The following VTI1A variants were observed in gnomAD, a reference collection of about 807,000 sequenced individuals.
The protein encoded by VTI1A is vesicle transport through interaction with t-SNAREs 1A, also known as vesicle transport through interaction with t-SNAREs homolog 1A.
In VTI1A, 22 loss-of-function variants were observed where a neutral mutation model predicts 34.9. The observed-to-expected ratio is 0.63, with a 90% confidence interval of 0.45 to 0.90. VTI1A has a LOEUF of 0.90. VTI1A is among the 40% of genes least tolerant of loss of function. The pLI is 0.00. For synonymous variants in VTI1A, 87 were observed against 97.3 expected, an observed-to-expected ratio of 0.89 and a Z score of 0.62; for missense variants, 268 against 275.6, an observed-to-expected ratio of 0.97 and a Z score of 0.20.
At chr10:112,556,221 A>T (rs532662098) in intron 5 of VTI1A, among the ~76,000 whole-genome samples, 12 of 152,130 alleles carry the variant, frequency 7.9e-5, no homozygotes, top group African/African-American at 2.2e-4. Flanking sequence ...GAAGCCTATG[A>T]TTCTAAAGTT....
chr10:112,523,731 A>G (rs886845985), intron 3 of VTI1A, among the ~76,000 whole-genome samples: 2 of 152,148 alleles, frequency 1.3e-5, no homozygotes, highest in African/African-American at 4.8e-5. Context: ...GTGGTAACTG[A>G]CAACTAAGAC....
At chr10:112,608,171 GA>G (rs1845160870) in intron 5 of VTI1A, among the ~76,000 whole-genome samples, 1 of 152,104 alleles carries the variant, frequency 6.6e-6, no homozygotes, top group Non-Finnish European at 1.5e-5. Flanking sequence ...TTCCTCCTTT[GA>G]AAAATTTTAC....
chr10:112,728,501 C>T (rs951295837), intron 7 of VTI1A, among the ~76,000 whole-genome samples: 5 of 152,174 alleles, frequency 3.3e-5, no homozygotes, highest in Non-Finnish European at 7.3e-5. Context: ...AGTATGTGGG[C>T]CCAGAAATGC....
At chr10:112,673,315 C>CA (rs745306451) in intron 7 of VTI1A, among the ~76,000 whole-genome samples, 1,403 of 68,334 alleles carry the variant, frequency 0.021, 13 homozygotes, top group Middle Eastern at 0.053. Context: ...GACTCCATCT[C>CA]AAAAAAAAAA....
intron 5 of VTI1A, among the ~76,000 whole-genome samples, chr10:112,615,943 A>G (rs546934753): frequency 6.6e-6 from 1 of 152,298 alleles, no homozygotes; most frequent in South Asian, 2.1e-4. Context: ...TAGCCTCTTC[A>G]TGGGCCATAT....
intron 7 of VTI1A, among the ~76,000 whole-genome samples, chr10:112,797,923 G>A (rs957992850): frequency 1.3e-5 from 2 of 152,156 alleles, no homozygotes; most frequent in African/African-American, 2.4e-5. Context: ...ACTTGGAGAG[G>A]GCAATTGTTT....
chr10:112,610,858 G>T (rs1564847627), intron 5 of VTI1A, among the ~76,000 whole-genome samples: 1 of 152,138 alleles, frequency 6.6e-6, no homozygotes, highest in Non-Finnish European at 1.5e-5. Flanking sequence ...GGCGGAGCTT[G>T]CAGTGAGCTG....
chr10:112,689,776 A>G (rs1848552343), intron 7 of VTI1A, among the ~76,000 whole-genome samples: 1 of 151,934 alleles, frequency 6.6e-6, no homozygotes, highest in Admixed American at 6.6e-5. Flanking sequence ...TTATTTACAT[A>G]CAACAAAATT....
chr10:112,853,247 C>G, the VTI1A span, among the ~76,000 whole-genome samples: 1 of 152,290 alleles, frequency 6.6e-6, no homozygotes, highest in Admixed American at 6.5e-5. Context: ...TCTGTGAGCT[C>G]CTACTACCTC....
chr10:112,461,406 A>G (rs1847723306), intron 2 of VTI1A, among the ~76,000 whole-genome samples: 1 of 152,190 alleles, frequency 6.6e-6, no homozygotes, highest in East Asian at 1.9e-4. Flanking sequence ...AGCATGAGAG[A>G]ACCTTGGCCA....
intron 7 of VTI1A, among the ~76,000 whole-genome samples, chr10:112,797,826 C>T (rs1013742287): frequency 2.0e-5 from 3 of 152,032 alleles, no homozygotes; most frequent in Non-Finnish European, 2.9e-5. Flanking sequence ...AAAGAAGTAA[C>T]GGGGAGGCTA....
intron 5 of VTI1A, among the ~76,000 whole-genome samples, chr10:112,546,701 TCACAA>T (rs1851143970): frequency 6.6e-6 from 1 of 152,158 alleles, no homozygotes; most frequent in Non-Finnish European, 1.5e-5. Context: ...GGCATATTCA[TCACAA>T]TTTCCTGCAT....
intron 7 of VTI1A, 154 bp downstream of exon 7, chr10:112,669,152 A>T: frequency 2.8e-6 from 1 of 360,090 alleles, no homozygotes; most frequent in Non-Finnish European, 3.9e-6. Context: ...CACTGATGTT[A>T]ACTCTTGTTT....
intron 7 of VTI1A, among the ~76,000 whole-genome samples, chr10:112,780,112 TA>T (rs773277515): frequency 0.013 from 1,408 of 111,470 alleles, 15 homozygotes; most frequent in African/African-American, 0.037. Context: ...CCTTGTCTCT[TA>T]AAAAAAAAAA....
chr10:112,618,516 TATATATATAGAG>T (rs1454394536), intron 5 of VTI1A, among the ~76,000 whole-genome samples: 6 of 46,410 alleles, frequency 1.3e-4, no homozygotes. Context: ...TATATATATA[TATATATATAGAG>T]AGAGAGAGAG....
intron 5 of VTI1A, among the ~76,000 whole-genome samples, chr10:112,607,325 A>C (rs1480771556): frequency 6.6e-6 from 1 of 151,922 alleles, no homozygotes; most frequent in Non-Finnish European, 1.5e-5. Context: ...AGAGAGATTG[A>C]GTGGCTGTCC....
rs113374421 is a variant in VTI1A, at chr10:112,491,631, C to T, written c.264+26974C>T. 8.9e-4 allele frequency among the ~76,000 whole-genome samples: 135 copies of T among 152,108 alleles called. 1 individual carries two copies. Among genetic ancestry groups the T allele is most frequent in the African/African-American group, 2.9e-3 (120 of 41,506 alleles). ...CTAATAGCTCCAAACAAAATATTAC[C>T]GTTTCAAAATGTAATAAATATTAAA... On this transcript the variant is annotated intron_variant, in intron 3 of 7. Transcript: ENST00000393077.
intron 3 of VTI1A, among the ~76,000 whole-genome samples, chr10:112,509,923 G>A (rs1031369391): frequency 3.3e-5 from 5 of 152,198 alleles, no homozygotes; most frequent in Non-Finnish European, 7.3e-5. Flanking sequence ...AGTGTAAGAT[G>A]CTGTGAGGGA....
At chr10:112,690,322 T>C (rs1300024094) in intron 7 of VTI1A, among the ~76,000 whole-genome samples, 1 of 152,232 alleles carries the variant, frequency 6.6e-6, no homozygotes, top group Non-Finnish European at 1.5e-5. Context: ...TGTTTAATTT[T>C]ATAAGAACCT....
Sources: gnomAD v4.1 joint callset for allele counts (sites outside exome capture counted in the v4.1 genomes callset) on GRCh38, gnomAD v4.1.1 for gene constraint, MANE v1.5 for transcripts, NCBI Gene and HGNC (gene_info 2026-07-23, HGNC 2026-07-21) for gene names.